The following OSBP2 variants were observed in gnomAD, a reference collection of about 807,000 sequenced individuals.
The protein encoded by OSBP2 is oxysterol binding protein 2.
OSBP2 carries 66 observed loss-of-function variants against 96.0 expected under a neutral mutation model. The ratio of observed to expected loss-of-function variants is 0.69; its 90% CI spans 0.56 to 0.84. The LOEUF (loss-of-function observed/expected upper bound fraction) is 0.84, where lower values mean the gene tolerates loss of function less well. OSBP2 is among the 40% of genes least tolerant of loss of function. The probability of loss-of-function intolerance (pLI) is 0.00; values close to 1 mark genes in which losing one functional copy is unlikely to be tolerated. For synonymous variants in OSBP2, 525 were observed against 520.9 expected (o/e 1.01, Z -0.11); for missense variants, 1,038 against 1,222.7 (o/e 0.85, Z 2.25).
chr22:30,772,517 G>A (rs2145792092), intron 2 of OSBP2, among the ~76,000 whole-genome samples: 2 of 152,306 alleles, frequency 1.3e-5, no homozygotes, highest in Admixed American at 1.3e-4. Flanking sequence ...GTGCAGAGAT[G>A]TTTTGTGAGC....
At chr22:30,893,092 G>C (rs2039983902) in intron 8 of OSBP2, 30 bp from the exon 9 acceptor site, 6 of 1,610,362 alleles carry the variant, frequency 3.7e-6, no homozygotes, top group Non-Finnish European at 5.1e-6. Flanking sequence ...ATGTCTGGCA[G>C]ATGCTCACAT....
At chr22:30,884,127 A>T (rs895038780) in intron 3 of OSBP2, among the ~76,000 whole-genome samples, 6 of 152,166 alleles carry the variant, frequency 3.9e-5, no homozygotes, top group Admixed American at 3.9e-4. Context: ...AAGACCCATG[A>T]ACTCAAAATA....
chr22:30,819,265 G>C (rs2091119050), intron 2 of OSBP2, among the ~76,000 whole-genome samples: 1 of 152,212 alleles, frequency 6.6e-6, no homozygotes, highest in Non-Finnish European at 1.5e-5. Context: ...AACCCGGGAG[G>C]CAGAGGTTAC....
At chr22:30,777,065 A>G (rs2090447776) in intron 2 of OSBP2, among the ~76,000 whole-genome samples, 1 of 152,138 alleles carries the variant, frequency 6.6e-6, no homozygotes, top group African/African-American at 2.4e-5. Flanking sequence ...TTTGCTTTGG[A>G]TTTTACAGGC....
chr22:30,696,920 A>G (rs1448364813), intron 1 of OSBP2, among the ~76,000 whole-genome samples: 1 of 152,038 alleles, frequency 6.6e-6, no homozygotes, highest in Non-Finnish European at 1.5e-5. Context: ...CGGCCTCCCA[A>G]AGTGTTAGGA....
At chr22:30,711,615 C>T (rs1177172055) in intron 1 of OSBP2, among the ~76,000 whole-genome samples, 2 of 151,874 alleles carry the variant, frequency 1.3e-5, no homozygotes, top group East Asian at 1.9e-4. Flanking sequence ...CGGTGTGTGC[C>T]TGTGGTCCGA....
chr22:30,742,297 T>C (rs1341845406), intron 2 of OSBP2, among the ~76,000 whole-genome samples: 1 of 151,542 alleles, frequency 6.6e-6, no homozygotes, highest in East Asian at 2.0e-4. Flanking sequence ...CTGGGCGTGG[T>C]GGTGCGTGCC....
chr22:30,887,572 C>A lies in OSBP2; in HGVS notation c.1254C>A (p.His418Gln). 1 of 1,612,810 alleles carries A rather than the reference C, an allele frequency of 6.2e-7. No homozygotes were observed. Among genetic ancestry groups the A allele is most frequent in the Non-Finnish European group, 8.5e-7 (1 of 1,179,724 alleles). Reference protein sequence around the residue: ...KQHNSLERAFHSAPGRPANPS... With the variant: ...KQHNSLERAFQSAPGRPANPS... ...ACAACAGCCTCGAGCGGGCCTTCCA[C>A]AGTGCCCCTGGCCGGCCGGCCAACC... Residue 418 changes from histidine to glutamine, a missense_variant, in exon 4 of 14, where the codon CAC becomes CAA. Physicochemically the swap from His to Gln is conservative, Grantham distance 24. This residue lies in a region of OSBP2 where 737 missense variants were observed against 913.3 expected (regional missense o/e 0.81). Transcript: ENST00000332585.
intron 2 of OSBP2, among the ~76,000 whole-genome samples, chr22:30,782,717 T>C (rs1002280430): frequency 1.4e-4 from 22 of 152,258 alleles, no homozygotes; most frequent in Admixed American, 5.2e-4. Context: ...ACAGAGCTGC[T>C]GTGAACATTT....
chr22:30,851,609 G>A (rs1052676122), intron 2 of OSBP2, among the ~76,000 whole-genome samples: 1 of 151,950 alleles, frequency 6.6e-6, no homozygotes, highest in South Asian at 2.1e-4. Context: ...GCACTGACTG[G>A]AACTTCTAAT....
rs148245754 is a variant in OSBP2 at position 30,836,935 on chromosome 22, G to A, written c.854-33494G>A. Among the ~76,000 whole-genome samples, 610 of 152,256 alleles carry A rather than the reference G, an allele frequency of 4.0e-3. 3 individuals are homozygous for A. Among genetic ancestry groups the A allele is most frequent in the Admixed American group, 0.01 (158 of 15,292 alleles). On this transcript the variant is annotated intron_variant, in intron 2 of 13. Transcript: ENST00000332585. ...CTCCGTCAACTCTTGTTAAGTGGGT[G>A]AATGTGATTAAAGAACCAATTTAAC...
intron 1 of OSBP2, among the ~76,000 whole-genome samples, chr22:30,736,390 A>G (rs1342026947): frequency 6.6e-6 from 1 of 152,092 alleles, no homozygotes; most frequent in Non-Finnish European, 1.5e-5. Context: ...GCCTTTACTT[A>G]GTCCCCTGGA....
chr22:30,801,128 T>C (rs950872086), intron 2 of OSBP2, among the ~76,000 whole-genome samples: 1 of 152,188 alleles, frequency 6.6e-6, no homozygotes. Flanking sequence ...TTGGCAAACA[T>C]TGGGTGTTTG....
chr22:30,719,000 T>G (rs935507242), intron 1 of OSBP2, among the ~76,000 whole-genome samples: 2 of 152,232 alleles, frequency 1.3e-5, no homozygotes, highest in African/African-American at 4.8e-5. Context: ...GAAGCAATTT[T>G]CTTCTTTTGA....
intron 2 of OSBP2, among the ~76,000 whole-genome samples, chr22:30,810,413 C>T (rs1369880400): frequency 1.3e-5 from 2 of 152,136 alleles, no homozygotes; most frequent in Non-Finnish European, 2.9e-5. Context: ...CCATTTCTGG[C>T]ACCTCTCCTG....
chr22:30,872,320 G>A lies in OSBP2; in HGVS notation c.1107+1638G>A, dbSNP rs1488379809. The stretch of plus-strand genomic sequence containing the variant: ...CCTGTCCCTCCCAGAAGCCACTGCC[G>A]GAGGCTTCCCAGGCACTGCCTCCCT... On this transcript the variant is annotated intron_variant, in intron 3 of 13. Transcript: ENST00000332585. 4 of 456,452 alleles carry A rather than the reference G, an allele frequency of 8.8e-6. 1 individual carries two copies. Among genetic ancestry groups the A allele is most frequent in the South Asian group, 4.6e-5 (3 of 64,576 alleles). 28.3% of individuals were successfully genotyped at this position (456,452 alleles called of 1,614,324 possible). A position where few individuals can be genotyped will look rare whatever the true frequency, so the allele number is the denominator to read the frequency against.
intron 2 of OSBP2, among the ~76,000 whole-genome samples, chr22:30,742,293 G>A (rs371668206): frequency 2.2e-4 from 33 of 151,838 alleles, no homozygotes; most frequent in East Asian, 1.4e-3. Context: ...TTAGCTGGGC[G>A]TGGTGGTGCG....
At chr22:30,726,064 G>GC (rs542504551) in intron 1 of OSBP2, among the ~76,000 whole-genome samples, 2 of 152,096 alleles carry the variant, frequency 1.3e-5, no homozygotes, top group Non-Finnish European at 2.9e-5. Flanking sequence ...ACAGGCATGA[G>GC]CCCCCCGGCC....
intron 1 of OSBP2, among the ~76,000 whole-genome samples, chr22:30,739,791 C>A (rs959253627): frequency 1.3e-5 from 2 of 151,880 alleles, no homozygotes; most frequent in African/African-American, 2.4e-5. Context: ...TTATTCAAAT[C>A]AGTCTCCCTG....
Sources: gnomAD v4.1 joint callset for allele counts (sites outside exome capture counted in the v4.1 genomes callset) on GRCh38, gnomAD v4.1.1 for gene constraint, gnomAD v4.1.1 regional missense constraint, MANE v1.5 for transcripts, NCBI Gene and HGNC (gene_info 2026-07-23, HGNC 2026-07-21) for gene names.